Variants in SPHKAP observed in about 807,000 individuals in gnomAD.
SPHKAP encodes the protein A-kinase anchor protein SPHKAP.
Under a neutral mutation model 137.5 loss-of-function variants are expected in SPHKAP, and 67 were observed. The ratio of observed to expected loss-of-function variants is 0.49; its 90% CI spans 0.40 to 0.60. The LOEUF is 0.60. Among genes scored for constraint, SPHKAP ranks in the 20% least tolerant of loss-of-function variants. The pLI, the probability that SPHKAP is intolerant of heterozygous loss-of-function variation, is 0.00. For missense variants in SPHKAP, 2,097 were observed against 2,069.3 expected (o/e 1.01, Z -0.26); for synonymous variants, 813 against 785.3 (o/e 1.04, Z -0.59).
chr2:228,099,244 G>A (rs1375783285), intron 3 of SPHKAP, among the ~76,000 whole-genome samples: 1 of 152,096 alleles, frequency 6.6e-6, no homozygotes, highest in Non-Finnish European at 1.5e-5. Flanking sequence ...TCTTTCTTCT[G>A]CATATGGCTA....
chr2:228,154,512 C>CTATATATATATATATATATATA (rs1559203928), intron 1 of SPHKAP, among the ~76,000 whole-genome samples: 1 of 22,066 alleles, frequency 4.5e-5, no homozygotes, highest in Non-Finnish European at 7.4e-5. Context: ...CTCTCTCTCT[C>CTATATATATATATATATATATA]TATATATATA....
intron 3 of SPHKAP, among the ~76,000 whole-genome samples, chr2:228,086,915 A>G (rs1697557083): frequency 6.6e-6 from 1 of 152,170 alleles, no homozygotes; most frequent in Non-Finnish European, 1.5e-5. Flanking sequence ...AAGAGCCCTC[A>G]GGGGGTCAGA....
At chr2:228,087,955 T>G (rs1231030044) in intron 3 of SPHKAP, among the ~76,000 whole-genome samples, 1 of 152,160 alleles carries the variant, frequency 6.6e-6, no homozygotes, top group Non-Finnish European at 1.5e-5. Context: ...AAAAGCAATA[T>G]TTTAAAAAGA....
At chr2:228,141,888 C>T (rs1049185435) in intron 1 of SPHKAP, among the ~76,000 whole-genome samples, 1 of 152,124 alleles carries the variant, frequency 6.6e-6, no homozygotes, top group African/African-American at 2.4e-5. Context: ...TTAATGGTTA[C>T]ATTAAAAATA....
chr2:228,099,003 T>A (rs1698098420), intron 3 of SPHKAP, among the ~76,000 whole-genome samples: 1 of 152,188 alleles, frequency 6.6e-6, no homozygotes, highest in African/African-American at 2.4e-5. Flanking sequence ...TTGTTTATAG[T>A]CTCTTTTTCT....
chr2:228,171,647 C>T (rs552679784), intron 1 of SPHKAP, among the ~76,000 whole-genome samples: 1 of 152,218 alleles, frequency 6.6e-6, no homozygotes, highest in Admixed American at 6.5e-5. Context: ...GTATCAACTT[C>T]CTGGTGTACT....
intron 1 of SPHKAP, among the ~76,000 whole-genome samples, chr2:228,132,757 G>A (rs887801946): frequency 4.0e-5 from 6 of 151,790 alleles, no homozygotes; most frequent in African/African-American, 1.5e-4. Context: ...CAACACTTTG[G>A]GAAGCTGAGG....
At chr2:227,983,502 G>A (rs1693084463) in intron 11 of SPHKAP, among the ~76,000 whole-genome samples, 1 of 152,176 alleles carries the variant, frequency 6.6e-6, no homozygotes, top group Admixed American at 6.5e-5. Context: ...CCCAGCAGAA[G>A]GACATCTTAG....
chr2:228,052,258 T>C (rs373671890), intron 3 of SPHKAP, among the ~76,000 whole-genome samples: 45 of 152,258 alleles, frequency 3.0e-4, no homozygotes, highest in African/African-American at 1.0e-3. Flanking sequence ...CAATCTATTT[T>C]CTACTGGCAA....
chr2:228,018,686 T>G lies in SPHKAP; in HGVS notation c.2168A>C (p.Lys723Thr), dbSNP rs766440689. ...LLDVICFTFK[K>T]MSHIVRLGEC... Reference sequence around the variant, plus strand: ...ACCAAGCCGTACAATATGACTCATCTTCTTGAACGTGAAGCATATCACATC... The same window carrying G: ...ACCAAGCCGTACAATATGACTCATCGTCTTGAACGTGAAGCATATCACATC... The change falls in exon 7 of 12, where the codon AAG (lysine) becomes ACG (threonine). Residue 723 changes from lysine to threonine, a missense_variant. Transcript: ENST00000392056. 1 of 1,614,220 alleles carries G rather than the reference T, an allele frequency of 6.2e-7. No individual in the cohort carries two copies.
intron 1 of SPHKAP, among the ~76,000 whole-genome samples, chr2:228,172,529 T>G (rs1700616377): frequency 6.6e-6 from 1 of 152,156 alleles, no homozygotes; most frequent in African/African-American, 2.4e-5. Context: ...CAAAAAGAGT[T>G]CTGTGAGATC....
chr2:228,081,955 C>A (rs1477810224), intron 3 of SPHKAP, among the ~76,000 whole-genome samples: 1 of 151,900 alleles, frequency 6.6e-6, no homozygotes, highest in Non-Finnish European at 1.5e-5. Context: ...GTTCTCACTA[C>A]CAAAAAAAAC....
chr2:228,118,243 T>G (rs962432566), intron 2 of SPHKAP, among the ~76,000 whole-genome samples: 68 of 65,012 alleles, frequency 1.0e-3, no homozygotes, highest in Admixed American at 3.1e-3. Flanking sequence ...ATACACAGTT[T>G]TTTTTTTTTT....
At chr2:227,984,134 TA>T (rs1365318582) in intron 11 of SPHKAP, among the ~76,000 whole-genome samples, 2 of 151,916 alleles carry the variant, frequency 1.3e-5, no homozygotes, top group Admixed American at 1.3e-4. Flanking sequence ...ACCACGTCTC[TA>T]CTAAAAATAC....
intron 7 of SPHKAP, among the ~76,000 whole-genome samples, chr2:228,008,651 A>AT (rs1198658553): frequency 6.8e-6 from 1 of 146,924 alleles, no homozygotes; most frequent in Non-Finnish European, 1.5e-5. Flanking sequence ...CATTCGTGTT[A>AT]TTTTTTCAAA....
chr2:227,991,888 C>A (rs1574714965), intron 9 of SPHKAP: 1 of 247,852 alleles, frequency 4.0e-6, no homozygotes. Flanking sequence ...CAAAATATCA[C>A]AATTAAAGTT....
chr2:228,161,734 A>AAATAC (rs1342759501), intron 1 of SPHKAP, among the ~76,000 whole-genome samples: 2 of 152,162 alleles, frequency 1.3e-5, no homozygotes, highest in Admixed American at 6.5e-5. Flanking sequence ...AAATAAAATA[A>AAATAC]AATACATGTT....
intron 7 of SPHKAP, among the ~76,000 whole-genome samples, chr2:228,015,689 T>C (rs532016043): frequency 1.3e-5 from 2 of 152,318 alleles, no homozygotes; most frequent in East Asian, 1.9e-4. Context: ...TAAATAACAA[T>C]ACTTCAGTGT....
Position 228,027,464 on chromosome 2 carries a change from G to T in SPHKAP, c.306+20C>A. 2 of 1,613,144 alleles carry T rather than the reference G, an allele frequency of 1.2e-6. No homozygotes were observed. The highest frequency in any genetic ancestry group is 2.2e-5 in the East Asian group (1 of 44,872). ...AGTCCTTGTAATGACCTCCCGGTCAGCTTGAGTTTCAAATGTTACCTGTTG... is the reference window on the plus strand; with the variant it reads ...AGTCCTTGTAATGACCTCCCGGTCATCTTGAGTTTCAAATGTTACCTGTTG... On this transcript the variant is annotated intron_variant, in intron 4 of 11. Transcript: ENST00000392056.
Sources: gnomAD v4.1 joint callset for allele counts (sites outside exome capture counted in the v4.1 genomes callset) on GRCh38, gnomAD v4.1.1 for gene constraint, MANE v1.5 for transcripts, NCBI Gene and HGNC (gene_info 2026-07-23, HGNC 2026-07-21) for gene names.